MRPL18: variants seen among roughly 807,000 people sequenced by gnomAD.
MRPL18 encodes the protein large ribosomal subunit protein uL18m.
MRPL18 carries 16 observed loss-of-function variants against 20.9 expected under a neutral mutation model. The observed-to-expected ratio is 0.76, with a 90% CI of 0.52 to 1.16. The LOEUF is 1.16. MRPL18 is among the 50% of genes most tolerant of loss of function. MRPL18 has a pLI of 0.00. For missense variants in MRPL18, 233 were observed against 230.6 expected, an observed-to-expected ratio of 1.01 and a Z score of -0.07; for synonymous variants, 91 against 87.1, an observed-to-expected ratio of 1.04 and a Z score of -0.25.
At chr6:159,790,846 T>C in intron 1 of MRPL18, 94 bp from the exon 2 acceptor site, 1 of 1,495,512 alleles carries the variant, frequency 6.7e-7, no homozygotes. Context: ...GGCCTAAAGA[T>C]TGGGGGTGTA....
intron 2 of MRPL18, among the ~76,000 whole-genome samples, chr6:159,795,743 G>A (rs1207520597): frequency 5.3e-5 from 8 of 152,174 alleles, no homozygotes; most frequent in East Asian, 1.9e-4. Context: ...TTAACATATT[G>A]TGTAAATTAG....
rs745644828 is a variant in MRPL18, at chr6:159,790,657, C to T, written c.52+18C>T. On this transcript the variant is annotated intron_variant, in intron 1 of 3. Coordinates refer to ENST00000367034, the MANE Select transcript of MRPL18 (RefSeq NM_014161.5). Reference sequence around the variant, plus strand: ...GAACCCTGGTAATTAGTCTTGCCCCCCTTCTCCCAGCTCACTCGCCTGGGC... The same window carrying T: ...GAACCCTGGTAATTAGTCTTGCCCCTCTTCTCCCAGCTCACTCGCCTGGGC... 1 of 1,613,778 alleles carries T rather than the reference C, an allele frequency of 6.2e-7. No individual in the cohort carries two copies. Among genetic ancestry groups the T allele is most frequent in the Non-Finnish European group, 8.5e-7 (1 of 1,179,734 alleles).
upstream of MRPL18, chr6:159,790,181 G>GCCC (rs1269192187): frequency 1.5e-5 from 4 of 274,326 alleles, no homozygotes; most frequent in African/African-American, 8.7e-5. Flanking sequence ...ATCTTGCCCT[G>GCCC]CCTTATTCCT....
intron 2 of MRPL18, 71 bp from the exon 3 acceptor site, chr6:159,797,216 A>T: frequency 7.5e-7 from 1 of 1,337,380 alleles, no homozygotes; most frequent in Non-Finnish European, 1.1e-6. Context: ...TTAGTCATTT[A>T]TTCACCTCAA....
chr6:159,791,233 G>T, intron 2 of MRPL18, 107 bp downstream of exon 2: 1 of 1,366,450 alleles, frequency 7.3e-7, no homozygotes. Flanking sequence ...GCGGGTAGAG[G>T]CAGGGTTCGC....
Position 159,796,365 on chromosome 6 carries a change from A to G in MRPL18, c.240-922A>G, listed in dbSNP as rs942547107. 5.9e-5 allele frequency among the ~76,000 whole-genome samples: 9 copies of G among 151,680 alleles called. No homozygotes were observed. In the South Asian group the frequency reaches 6.3e-4, roughly 11 times the overall value. On this transcript the variant is annotated intron_variant, in intron 2 of 3. Transcript: ENST00000367034. Reference sequence around the variant, plus strand: ...TGCAGTGGCATGCGCCTGTAGTCCCAGCCACTTGGGAGGTTGAGGTGGAAG... The same window carrying G: ...TGCAGTGGCATGCGCCTGTAGTCCCGGCCACTTGGGAGGTTGAGGTGGAAG...
chr6:159,790,520 G>C lies in MRPL18; in HGVS notation c.-68G>C. On this transcript the variant is annotated 5_prime_UTR_variant, in exon 1 of 4. Transcript: ENST00000367034. ...GGCTTGTCCCTGACTTTATATGGCTGCTCCTGGCGAGCGACTGAGTCGTCC... is the reference window on the plus strand; with the variant it reads ...GGCTTGTCCCTGACTTTATATGGCTCCTCCTGGCGAGCGACTGAGTCGTCC... 1 of 1,607,182 alleles carries C rather than the reference G, an allele frequency of 6.2e-7. No homozygotes were observed.
chr6:159,793,891 A>G (rs890309129), intron 2 of MRPL18, among the ~76,000 whole-genome samples: 11 of 151,834 alleles, frequency 7.2e-5, no homozygotes, highest in Admixed American at 6.6e-4. Flanking sequence ...CAGCCTGGGC[A>G]ACAGACTGAG....
intron 2 of MRPL18, among the ~76,000 whole-genome samples, chr6:159,793,673 G>A (rs1780962147): frequency 6.6e-6 from 1 of 152,148 alleles, no homozygotes; most frequent in Non-Finnish European, 1.5e-5. Flanking sequence ...ACTTTGGGAG[G>A]TCGAGGCGGG....
Position 159,791,038 on chromosome 6 carries a change from C to G in MRPL18, c.151C>G (p.Arg51Gly). 1.2e-6 allele frequency: 2 copies of G among 1,614,188 alleles called. No homozygotes were observed. The highest frequency in any genetic ancestry group is 1.7e-6 in the Non-Finnish European group (2 of 1,180,018). Residue 51 changes from arginine (R) to glycine (G), a missense_variant, in exon 2 of 4, where the codon CGG becomes GGG. Coordinates refer to ENST00000367034, the MANE Select transcript of MRPL18 (RefSeq NM_014161.5). ...NEAVAPEFTN[R>G]NPRNLELLSV... ...AGCTGTCGCCCCAGAATTCACCAAC[C>G]GGAACCCCCGGAACCTGGAGCTTTT...
intron 3 of MRPL18, 76 bp downstream of exon 3, chr6:159,797,594 C>A: frequency 7.3e-7 from 1 of 1,373,780 alleles, no homozygotes; most frequent in Non-Finnish European, 1.0e-6. Context: ...ATAATAATAA[C>A]AGTTTTTACT....
In MRPL18 at chr6:159,798,112, A is replaced by G; in HGVS notation, c.532A>G (p.Ile178Val). ...GGVVLREPQR[I>V]YE is the part of the protein sequence containing the mutation. ...TGTGGTTCTACGGGAACCTCAGAGA[A>G]TCTATGAATAAATGGAAGCATTAAT... Residue 178 changes from isoleucine to valine, a missense_variant, in exon 4 of 4, where the codon ATC becomes GTC. Ile to Val is a conservative substitution (Grantham distance 29). Coordinates refer to ENST00000367034, the MANE Select transcript of MRPL18 (RefSeq NM_014161.5). 6.2e-7 allele frequency: 1 copy of G among 1,612,022 alleles called. No homozygotes were observed.
At chr6:159,791,188 C>A (rs771069226) in intron 2 of MRPL18, 62 bp downstream of exon 2, 1 of 1,569,678 alleles carries the variant, frequency 6.4e-7, no homozygotes. Context: ...TTCATTCATT[C>A]AACTCCAGGC....
intron 2 of MRPL18, 43 bp downstream of exon 2, chr6:159,791,169 C>T (rs1254733346): frequency 1.9e-6 from 3 of 1,603,196 alleles, no homozygotes; most frequent in Non-Finnish European, 2.6e-6. Flanking sequence ...GTGCACCCTA[C>T]AGACTATTTT....
At chr6:159,795,691 C>T (rs570962574) in intron 2 of MRPL18, among the ~76,000 whole-genome samples, 2 of 152,286 alleles carry the variant, frequency 1.3e-5, no homozygotes, top group South Asian at 4.1e-4. Flanking sequence ...TTGCTTTTCC[C>T]CACAAGTTAT....
At chr6:159,796,209 G>A (rs953252143) in intron 2 of MRPL18, among the ~76,000 whole-genome samples, 3 of 149,922 alleles carry the variant, frequency 2.0e-5, no homozygotes, top group Non-Finnish European at 4.4e-5. Context: ...GGCTGGGCAT[G>A]GTGGCTCAGC....
rs79336325 is a variant in MRPL18 at position 159,790,616 on chromosome 6, T to A, written c.29T>A (p.Leu10Ter). The part of the protein sequence containing the change: MALRSRFWG[L>*]FSVCRNPGCR... ...GCGCTTCGGTCGCGGTTTTGGGGGT[T>A]GTTCTCGGTTTGCAGGAACCCTGGT... is the stretch of plus-strand genomic sequence containing the variant. The change falls in exon 1 of 4, where the codon TTG (leucine) becomes TAG (stop). Residue 10 changes from leucine (L) to a stop codon, truncating the protein, a stop_gained. Transcript: ENST00000367034. LOFTEE classifies it high-confidence loss of function. 2.8e-5 allele frequency: 3 copies of A among 108,808 alleles called. No homozygotes were observed. The South Asian group carries it at 6.4e-4, about 23-fold the overall frequency. 6.7% of individuals were successfully genotyped at this position (108,808 alleles called of 1,614,324 possible). A position where few individuals can be genotyped will look rare whatever the true frequency, so the allele number is the denominator to read the frequency against.
intron 2 of MRPL18, among the ~76,000 whole-genome samples, chr6:159,792,404 C>A (rs927451): frequency 0.46 from 69,788 of 151,928 alleles, 17,335 homozygotes; most frequent in Non-Finnish European, 0.55. Flanking sequence ...GTATCACTTG[C>A]TAGGCATTGC....
chr6:159,797,517 C>G lies in MRPL18; in HGVS notation c.470C>G (p.Ser157Trp), dbSNP rs74992920. 1 of 1,613,124 alleles carries G rather than the reference C, an allele frequency of 6.2e-7. No homozygotes were observed. Among genetic ancestry groups the G allele is most frequent in the East Asian group, 2.2e-5 (1 of 44,870 alleles). The change falls in exon 3 of 4, where the codon TCG (serine) becomes TGG (tryptophan). Residue 157 changes from serine to tryptophan, a missense_variant and splice_region_variant. Transcript: ENST00000367034. ...ACCCCGTGGGAGGCAGCCTCAGACT[C>G]GGTATTTTTGTTTTCATGTACTTAT... Reference protein sequence around the residue: ...QPTPWEAASDSMKRLQSAMTE... With the variant: ...QPTPWEAASDWMKRLQSAMTE...
Sources: allele counts gnomAD v4.1 joint callset (sites outside exome capture counted in the v4.1 genomes callset), GRCh38; gene constraint gnomAD v4.1.1; transcripts MANE v1.5; gene names NCBI Gene and HGNC (gene_info 2026-07-23, HGNC 2026-07-21).